DCLK3: variants seen among roughly 807,000 people sequenced by gnomAD.
The protein encoded by DCLK3 is doublecortin like kinase 3.
In DCLK3, 30 loss-of-function variants were observed where a neutral mutation model predicts 46.4. The ratio of observed to expected loss-of-function variants is 0.65; its 90% CI spans 0.48 to 0.88. The LOEUF is 0.88. Among genes scored for constraint, DCLK3 ranks in the 40% least tolerant of loss-of-function variants. The probability of loss-of-function intolerance (pLI) is 0.00; values close to 1 mark genes in which losing one functional copy is unlikely to be tolerated. For synonymous variants in DCLK3, 401 were observed against 339.2 expected, an observed-to-expected ratio of 1.18 and a Z score of -2.00; for missense variants, 846 against 907.1, an observed-to-expected ratio of 0.93 and a Z score of 0.87.
At chr3:36,759,208 A>G (rs187778033) in intron 1 of DCLK3, among the ~76,000 whole-genome samples, 1 of 152,386 alleles carries the variant, frequency 6.6e-6, no homozygotes, top group African/African-American at 2.4e-5. Context: ...CTTAAGCTTC[A>G]TAACAAGACA....
At chr3:36,727,627 T>C (rs932633808) in intron 2 of DCLK3, among the ~76,000 whole-genome samples, 5 of 152,216 alleles carry the variant, frequency 3.3e-5, no homozygotes, top group Admixed American at 1.3e-4. Context: ...GATCATCCCC[T>C]GAGCATCAAC....
intron 1 of DCLK3, among the ~76,000 whole-genome samples, chr3:36,743,346 A>G (rs1701366402): frequency 6.6e-6 from 1 of 151,754 alleles, no homozygotes; most frequent in South Asian, 2.1e-4. Flanking sequence ...ATAAAAAACC[A>G]CTTTTGGTCC....
Position 36,714,778 on chromosome 3 carries a change from TA to T in DCLK3, c.*549del, listed in dbSNP as rs1321953540. ...GAGACCAAGATTAGTGCATCCTAAA[TA>T]AACAGGTCTTGTCAACTAATCAAGT... On this transcript the variant is annotated 3_prime_UTR_variant, in exon 5 of 5. Transcript: ENST00000636136. 1 of 152,436 alleles carries T rather than the reference TA, an allele frequency of 6.6e-6. No individual in the cohort carries two copies. The highest frequency in any genetic ancestry group is 2.4e-5 in the African/African-American group (1 of 41,460). 9.4% of individuals were successfully genotyped at this position (152,436 alleles called of 1,614,324 possible).
At chr3:36,718,300 G>A in intron 3 of DCLK3, 123 bp from the exon 4 acceptor site, 1 of 1,316,646 alleles carries the variant, frequency 7.6e-7, no homozygotes, top group Non-Finnish European at 1.0e-6. Flanking sequence ...CCAGCTCTCA[G>A]CAACCAAGAG....
At chr3:36,752,504 T>C (rs545745209) in intron 1 of DCLK3, among the ~76,000 whole-genome samples, 1 of 152,346 alleles carries the variant, frequency 6.6e-6, no homozygotes, top group South Asian at 2.1e-4. Context: ...ACTGATGGTT[T>C]TGTGGAATTT....
chr3:36,738,476 T>C lies in DCLK3; in HGVS notation c.691A>G (p.Ser231Gly). The C allele has an allele frequency of 6.7e-7, 1 of 1,487,494 alleles. No homozygotes were observed. Among genetic ancestry groups the C allele is most frequent in the Non-Finnish European group, 8.9e-7 (1 of 1,120,678 alleles). The allele number at this position is 1,487,494 out of a possible 1,614,324, so 92.1% of individuals were successfully genotyped here. Residue 231 changes from serine (S) to glycine (G), a missense_variant, in exon 2 of 5, where the codon AGC becomes GGC. By Grantham distance (56) the Ser-to-Gly change is moderately conservative. This residue lies in a region of DCLK3 where 553 missense variants were observed against 543.0 expected (regional missense o/e 1.02). Transcript: ENST00000636136. ...TTGCATCCTGCAACTTCGCTGCAGC[T>C]CTTGGGGGTCTCGGTCTCCCCACAG... The part of the protein sequence containing the change: ...HRCGETETPK[S>G]CSEVAGCKAA...
At chr3:36,717,627 A>C (rs1701000481) in intron 4 of DCLK3, among the ~76,000 whole-genome samples, 1 of 152,212 alleles carries the variant, frequency 6.6e-6, no homozygotes, top group South Asian at 2.1e-4. Flanking sequence ...GTGTGCTGCT[A>C]TAGGACCCTT....
chr3:36,717,460 C>T (rs1028245061), intron 4 of DCLK3, among the ~76,000 whole-genome samples: 1 of 152,092 alleles, frequency 6.6e-6, no homozygotes, highest in African/African-American at 2.4e-5. Flanking sequence ...CCCAGTTTTA[C>T]AAGGACAGTG....
Position 36,738,594 on chromosome 3 carries a change from T to A in DCLK3, c.573A>T (p.Lys191Asn), listed in dbSNP as rs1480741152. ...GCTGGGCCAGTGTCAGGGCCCGGGC[T>A]TTGTTGGGGTACAGTTCTTCTACAG... is the stretch of plus-strand genomic sequence containing the variant. ...QVAVEELYPN[K>N]ARALTLAQHS... is the part of the protein sequence containing the mutation. The change falls in exon 2 of 5, where the codon AAA becomes AAT. Residue 191 changes from lysine (K) to asparagine (N), a missense_variant. By Grantham distance (94) the Lys-to-Asn change is moderately conservative. This residue lies in a region of DCLK3 where 553 missense variants were observed against 543.0 expected (regional missense o/e 1.02). Transcript: ENST00000636136. The A allele has an allele frequency of 7.1e-7, 1 of 1,403,788 alleles. No homozygotes were observed. Among genetic ancestry groups the A allele is most frequent in the Non-Finnish European group, 9.3e-7 (1 of 1,075,628 alleles). The allele number at this position is 1,403,788 out of a possible 1,614,324, so 87.0% of individuals were successfully genotyped here. A position where few individuals can be genotyped will look rare whatever the true frequency, so the allele number is the denominator to read the frequency against.
At position 36,738,534 on chromosome 3, in the gene DCLK3, C is replaced by T. The variant is rs376182211; in HGVS notation, c.633G>A (p.Arg211=). 4.0e-5 allele frequency: 61 copies of T among 1,510,158 alleles called. No homozygotes were observed. Among genetic ancestry groups the T allele is most frequent in the Non-Finnish European group, 5.3e-5 (60 of 1,129,318 alleles). 93.5% of individuals were successfully genotyped at this position (1,510,158 alleles called of 1,614,324 possible). A position where few individuals can be genotyped will look rare whatever the true frequency, so the allele number is the denominator to read the frequency against. ...CTCCTTTCAGAGCCTTGCTAAACAG[C>T]CTGCTCCTCAGCCTTGGAGAAGGGG... The part of the protein sequence containing the change: ...SRAPSPRLRS[R]LFSKALKGDH... The change falls in exon 2 of 5, where the codon AGG becomes AGA. Residue 211 remains arginine, a synonymous_variant. Coordinates refer to ENST00000636136, the MANE Select transcript of DCLK3 (RefSeq NM_001394672.2).
chr3:36,737,224 T>C lies in DCLK3; in HGVS notation c.1943A>G (p.Lys648Arg). ...AAGGCTTACCAAAAGGTTTTCCGGC[T>C]TGAGGTCCCGGTGGACAATGCTCTT... Reference protein sequence around the residue: ...HDKSIVHRDLKPENLLVQRNE... With the variant: ...HDKSIVHRDLRPENLLVQRNE... The change falls in exon 2 of 5, where the codon AAG (lysine) becomes AGG (arginine). Residue 648 changes from lysine to arginine, a missense_variant. Coordinates refer to ENST00000636136, the MANE Select transcript of DCLK3 (RefSeq NM_001394672.2). This position sits in a 1 kb window ranked among gnomAD's most constrained non-coding sequence, Gnocchi z 4.4. 6.2e-7 allele frequency: 1 copy of C among 1,612,946 alleles called. No individual in the cohort carries two copies. The highest frequency in any genetic ancestry group is 8.5e-7 in the Non-Finnish European group (1 of 1,179,014).
At chr3:36,731,433 A>G (rs920376706) in intron 2 of DCLK3, among the ~76,000 whole-genome samples, 1 of 145,612 alleles carries the variant, frequency 6.9e-6, no homozygotes, top group Non-Finnish European at 1.5e-5. Flanking sequence ...TGTCCATTCT[A>G]TGATCTCCTT....
intron 1 of DCLK3, among the ~76,000 whole-genome samples, chr3:36,758,593 C>T (rs951790834): frequency 6.6e-6 from 1 of 152,210 alleles, no homozygotes; most frequent in Non-Finnish European, 1.5e-5. Context: ...GAGAATAAGC[C>T]TTCACCACAC....
intron 1 of DCLK3, among the ~76,000 whole-genome samples, chr3:36,754,847 A>G (rs1322821365): frequency 6.6e-6 from 1 of 152,220 alleles, no homozygotes; most frequent in Non-Finnish European, 1.5e-5. Flanking sequence ...TGGAAAGGCA[A>G]TTAGAGTACA....
At position 36,738,844 on chromosome 3, in the gene DCLK3, CG is replaced by C. The variant is rs1701307946; in HGVS notation, c.322del (p.Arg108GlufsTer19). The C allele has an allele frequency of 1.4e-6, 1 of 699,420 alleles. No individual in the cohort carries two copies. Among genetic ancestry groups the C allele is most frequent in the Admixed American group, 4.0e-5 (1 of 24,936 alleles). The allele number at this position is 699,420 out of a possible 1,614,324, so 43.3% of individuals were successfully genotyped here. On this transcript the variant is annotated frameshift_variant, in exon 2 of 5. Transcript: ENST00000636136. LOFTEE classifies it high-confidence loss of function. Reference protein sequence around the residue: ...TVVKLGGQRPRKITLLLNRRS... With the variant: ...TVVKLGGQRPXKITLLLNRRS... ...CCTGTTGAGGAGCAGAGTGATCTTT[CG>C]GGGGCGCTGCCCACCCAGCTTCACT...
rs1700928940 is a variant in DCLK3, at chr3:36,713,025, C to A, written c.*2303G>T. On this transcript the variant is annotated 3_prime_UTR_variant, in exon 5 of 5. Transcript: ENST00000636136. ...CCAAACCATTCTCCAAAGGAGAAGTCCCATTTTATACTCCCAGCAGCAATG... is the reference window on the plus strand; with the variant it reads ...CCAAACCATTCTCCAAAGGAGAAGTACCATTTTATACTCCCAGCAGCAATG... 1 of 152,170 alleles carries A rather than the reference C, an allele frequency of 6.6e-6. No individual in the cohort carries two copies. Among genetic ancestry groups the A allele is most frequent in the Non-Finnish European group, 1.5e-5 (1 of 68,036 alleles). 9.4% of individuals were successfully genotyped at this position (152,170 alleles called of 1,614,324 possible). A position where few individuals can be genotyped will look rare whatever the true frequency, so the allele number is the denominator to read the frequency against.
At chr3:36,724,907 A>G (rs1263016975) in intron 2 of DCLK3, among the ~76,000 whole-genome samples, 2 of 152,142 alleles carry the variant, frequency 1.3e-5, no homozygotes, top group African/African-American at 4.8e-5. Flanking sequence ...TGGGGGATTA[A>G]GAATCAAACA....
At chr3:36,758,421 C>T (rs999264640) in intron 1 of DCLK3, among the ~76,000 whole-genome samples, 1 of 152,064 alleles carries the variant, frequency 6.6e-6, no homozygotes, top group Non-Finnish European at 1.5e-5. Context: ...AGGGTGGGGG[C>T]TTTGGGGAAG....
chr3:36,718,656 C>T (rs1441420334), intron 3 of DCLK3, among the ~76,000 whole-genome samples: 1 of 152,170 alleles, frequency 6.6e-6, no homozygotes, highest in African/African-American at 2.4e-5. Context: ...AAAACTTGAC[C>T]CTTCACTGGA....
Sources: gnomAD v4.1 joint callset for allele counts (sites outside exome capture counted in the v4.1 genomes callset) on GRCh38, gnomAD v4.1.1 for gene constraint, gnomAD v4.1.1 regional missense constraint, Gnocchi (gnomAD v3.1) non-coding constraint, MANE v1.5 for transcripts, NCBI Gene and HGNC (gene_info 2026-07-23, HGNC 2026-07-21) for gene names.